The following PNPLA7 variants were observed in gnomAD, a reference collection of about 807,000 sequenced individuals.
The protein encoded by PNPLA7 is patatin-like phospholipase domain-containing protein 7.
A neutral mutation model predicts 161.7 loss-of-function variants in PNPLA7; 153 were observed. The observed-to-expected ratio is 0.95, with a 90% CI of 0.83 to 1.08. The LOEUF (loss-of-function observed/expected upper bound fraction) is 1.08, where lower values mean the gene tolerates loss of function less well. PNPLA7 is among the 50% of genes least tolerant of loss of function. The pLI is 0.00. For synonymous variants in PNPLA7, 809 were observed against 782.1 expected (o/e 1.03, Z -0.57); for missense variants, 1,739 against 1,856.6 (o/e 0.94, Z 1.16).
intron 11 of PNPLA7, chr9:137,516,255 G>T: frequency 1.1e-6 from 1 of 933,928 alleles, no homozygotes; most frequent in Non-Finnish European, 1.3e-6. Context: ...GGTGGATGTG[G>T]CTGTCTGGGC....
chr9:137,513,001 C>T (rs1446137479), intron 12 of PNPLA7, among the ~76,000 whole-genome samples: 2 of 150,920 alleles, frequency 1.3e-5, no homozygotes, highest in African/African-American at 2.4e-5. Context: ...CAAAAAAATC[C>T]ATGTAGATTC....
rs1474759913 is a variant in PNPLA7 at position 137,490,417 on chromosome 9, G to T, written c.2197+2596C>A. On this transcript the variant is annotated intron_variant, in intron 20 of 34. Coordinates refer to ENST00000406427, the MANE Select transcript of PNPLA7 (RefSeq NM_001098537.3). The surrounding 1 kb of genome is among the most constrained non-coding windows in gnomAD (Gnocchi z 4.1). ...GTCAAAACATTCTTGAACACAGCTA[G>T]AGAGAAATGATGCGTTACCTACTGG... Among the ~76,000 whole-genome samples the T allele has an allele frequency of 2.0e-5, 3 of 152,212 alleles. No individual in the cohort carries two copies.
intron 23 of PNPLA7, chr9:137,479,934 G>A (rs879848945): frequency 2.0e-6 from 2 of 977,164 alleles, no homozygotes; most frequent in African/African-American, 1.8e-5. Context: ...AGAAAAAGCA[G>A]TGAGAGGAAC....
chr9:137,503,848 GGAA>G (rs1300396958), intron 14 of PNPLA7, among the ~76,000 whole-genome samples: 14 of 46,744 alleles, frequency 3.0e-4, no homozygotes, highest in African/African-American at 9.7e-4. Context: ...AGAAGAAGAA[GGAA>G]GAAGAAGAAG....
intron 11 of PNPLA7, among the ~76,000 whole-genome samples, 195 bp downstream of exon 11, chr9:137,519,722 C>T (rs865876277): frequency 2.7e-5 from 4 of 150,918 alleles, no homozygotes; most frequent in Non-Finnish European, 3.0e-5. Context: ...ACCTGGGGTG[C>T]GTGTGAGTAG....
chr9:137,547,738 C>G lies in PNPLA7; in HGVS notation c.31-79G>C. ...CTTGTTCAGAGCAGCAGGAGGAGAG[C>G]TGGGAGTTAGGGGAGAAGTCAGCAG... On this transcript the variant is annotated intron_variant, in intron 1 of 34. Transcript: ENST00000406427. The surrounding 1 kb of genome is among the most constrained non-coding windows in gnomAD (Gnocchi z 4.6). The G allele has an allele frequency of 1.5e-6, 2 of 1,374,062 alleles. No individual in the cohort carries two copies. The highest frequency in any genetic ancestry group is 2.1e-6 in the Non-Finnish European group (2 of 963,886). The allele number at this position is 1,374,062 out of a possible 1,614,324, so 85.1% of individuals were successfully genotyped here. A position where few individuals can be genotyped will look rare whatever the true frequency, so the allele number is the denominator to read the frequency against.
rs538183909 is a variant in PNPLA7 at position 137,500,931 on chromosome 9, T to G, written c.1552-35A>C. The stretch of plus-strand genomic sequence containing the variant: ...GAGAGGGCTCAGGAGGCGCCGCGAG[T>G]GGCCGCGGGCAGGACGGGGGCAGCT... On this transcript the variant is annotated intron_variant, in intron 15 of 34. Coordinates refer to ENST00000406427, the MANE Select transcript of PNPLA7 (RefSeq NM_001098537.3). This position sits in a 1 kb window ranked among gnomAD's most constrained non-coding sequence, Gnocchi z 5.5. 2 of 1,531,788 alleles carry G rather than the reference T, an allele frequency of 1.3e-6. No homozygotes were observed. Among genetic ancestry groups the G allele is most frequent in the East Asian group, 2.4e-5 (1 of 41,048 alleles). 94.9% of individuals were successfully genotyped at this position (1,531,788 alleles called of 1,614,324 possible).
At chr9:137,527,309 A>AC (rs1036185160) in intron 8 of PNPLA7, among the ~76,000 whole-genome samples, 18 of 151,096 alleles carry the variant, frequency 1.2e-4, no homozygotes, top group South Asian at 1.1e-3. Context: ...ACAAAAAAAA[A>AC]CCCACACACA....
chr9:137,514,792 T>C (rs1834437500), intron 12 of PNPLA7, among the ~76,000 whole-genome samples: 2 of 135,936 alleles, frequency 1.5e-5, no homozygotes, highest in Admixed American at 7.3e-5. Context: ...GTGGGTCACC[T>C]GACTGTTGAG....
At chr9:137,473,894 C>G (rs560724647) in intron 25 of PNPLA7, among the ~76,000 whole-genome samples, 1 of 152,326 alleles carries the variant, frequency 6.6e-6, no homozygotes, top group African/African-American at 2.4e-5. Context: ...GGCACTTACA[C>G]TCCTAGGCAT....
At chr9:137,471,277 CAACA>C (rs1454559751) in intron 25 of PNPLA7, among the ~76,000 whole-genome samples, 1 of 152,122 alleles carries the variant, frequency 6.6e-6, no homozygotes, top group East Asian at 1.9e-4. Flanking sequence ...TATATACTGG[CAACA>C]AACAATTTGA....
intron 18 of PNPLA7, 151 bp downstream of exon 18, chr9:137,497,036 A>G: frequency 1.3e-5 from 14 of 1,096,552 alleles, no homozygotes; most frequent in Non-Finnish European, 1.7e-5. Context: ...CCCGGGGCTC[A>G]CAGCAAAGCG....
rs538973298 is a variant in PNPLA7 at position 137,519,703 on chromosome 9, C to T, written c.1084+214G>A. On this transcript the variant is annotated intron_variant, in intron 11 of 34. Coordinates refer to ENST00000406427, the MANE Select transcript of PNPLA7 (RefSeq NM_001098537.3). The stretch of plus-strand genomic sequence containing the variant: ...GGCACGTGTGAGGGGACCTGAGGCA[C>T]GTGAGGGGACCTGGGGTGCGTGTGA... Among the ~76,000 whole-genome samples the T allele has an allele frequency of 3.5e-4, 51 of 145,828 alleles. No individual in the cohort carries two copies. In the South Asian group the frequency reaches 8.2e-3, roughly 23 times the overall value.
Position 137,460,299 on chromosome 9 carries a change from G to C in PNPLA7, c.*94C>G. The C allele has an allele frequency of 7.7e-7, 1 of 1,295,760 alleles. No homozygotes were observed. The highest frequency in any genetic ancestry group is 1.1e-6 in the Non-Finnish European group (1 of 936,228). The allele number at this position is 1,295,760 out of a possible 1,614,324, so 80.3% of individuals were successfully genotyped here. A position where few individuals can be genotyped will look rare whatever the true frequency, so the allele number is the denominator to read the frequency against. Reference sequence around the variant, plus strand: ...CCGGGGAAGTCAGGGCTTCCAGCAGGGCAGGTACAGAGGCCCCTAGGACTT... The same window carrying C: ...CCGGGGAAGTCAGGGCTTCCAGCAGCGCAGGTACAGAGGCCCCTAGGACTT... On this transcript the variant is annotated 3_prime_UTR_variant, in exon 35 of 35. Coordinates refer to ENST00000406427, the MANE Select transcript of PNPLA7 (RefSeq NM_001098537.3).
intron 8 of PNPLA7, among the ~76,000 whole-genome samples, chr9:137,532,039 G>T (rs766325069): frequency 6.6e-6 from 1 of 152,178 alleles, no homozygotes; most frequent in Non-Finnish European, 1.5e-5. Context: ...CAGGACTATA[G>T]GTGCCAACCG....
At chr9:137,518,561 C>G (rs1453659568) in intron 11 of PNPLA7, among the ~76,000 whole-genome samples, 1 of 80,076 alleles carries the variant, frequency 1.2e-5, no homozygotes, top group Non-Finnish European at 2.5e-5. Context: ...TCACTCGCTC[C>G]ACTCTGTCCA....
intron 1 of PNPLA7, 69 bp downstream of exon 1, chr9:137,550,099 A>AC: frequency 2.5e-6 from 4 of 1,587,616 alleles, no homozygotes; most frequent in Non-Finnish European, 3.5e-6. Context: ...CGCCAAGAGG[A>AC]CCCTTCTCTG....
At chr9:137,474,369 C>T (rs1013237390) in intron 25 of PNPLA7, among the ~76,000 whole-genome samples, 3 of 152,130 alleles carry the variant, frequency 2.0e-5, no homozygotes, top group Non-Finnish European at 2.9e-5. Flanking sequence ...GAAGCTGGCC[C>T]GGCACTGCCA....
chr9:137,479,761 C>T, intron 23 of PNPLA7: 2 of 985,402 alleles, frequency 2.0e-6, no homozygotes, highest in Non-Finnish European at 2.4e-6. Flanking sequence ...GCAGCAATGG[C>T]CAGGTGGAAG....
Sources: allele counts gnomAD v4.1 joint callset (sites outside exome capture counted in the v4.1 genomes callset), GRCh38; gene constraint gnomAD v4.1.1; non-coding constraint Gnocchi (gnomAD v3.1); transcripts MANE v1.5; gene names NCBI Gene and HGNC (gene_info 2026-07-23, HGNC 2026-07-21).